The following SLC1A2 variants were observed in gnomAD, a reference collection of about 807,000 sequenced individuals.
SLC1A2 encodes the protein excitatory amino acid transporter 2.
SLC1A2 carries 15 observed loss-of-function variants against 48.8 expected under a neutral mutation model. The ratio of observed to expected loss-of-function variants is 0.31; its 90% CI spans 0.21 to 0.47. The LOEUF is 0.47. Ranked by LOEUF, SLC1A2 falls within the 20% of genes least tolerant of loss-of-function variation. The pLI is 0.99. For missense variants in SLC1A2, 502 were observed against 730.5 expected (o/e 0.69, Z 3.61); for synonymous variants, 279 against 272.6 (o/e 1.02, Z -0.23).
At chr11:35,332,938 C>T (rs902310666) in intron 1 of SLC1A2, among the ~76,000 whole-genome samples, 1 of 152,216 alleles carries the variant, frequency 6.6e-6, no homozygotes, top group Admixed American at 6.5e-5. Flanking sequence ...TCTTTTACTT[C>T]AGTTCTCGCT....
intron 9 of SLC1A2, among the ~76,000 whole-genome samples, chr11:35,272,423 G>A (rs543036252): frequency 2.0e-5 from 3 of 152,342 alleles, no homozygotes; most frequent in South Asian, 4.1e-4. Context: ...GGCATTCTGG[G>A]AAGATTCCCA....
chr11:35,276,042 T>A (rs1045278755), intron 9 of SLC1A2, among the ~76,000 whole-genome samples: 1 of 152,110 alleles, frequency 6.6e-6, no homozygotes, highest in Non-Finnish European at 1.5e-5. Flanking sequence ...CTACCCTTCC[T>A]TTTTCTTTTC....
chr11:35,301,459 C>T (rs1851353011), intron 6 of SLC1A2, 60 bp downstream of exon 6: 1 of 1,572,806 alleles, frequency 6.4e-7, no homozygotes, highest in Non-Finnish European at 8.7e-7. Context: ...CTCCAGTATC[C>T]TCTGGGGACC....
chr11:35,295,013 CTT>C (rs1382958905), intron 6 of SLC1A2, among the ~76,000 whole-genome samples: 2 of 152,046 alleles, frequency 1.3e-5, no homozygotes, highest in African/African-American at 4.8e-5. Context: ...AGGGCCATTA[CTT>C]TCTTGTGCCT....
chr11:35,309,020 A>G (rs929019158), intron 4 of SLC1A2, among the ~76,000 whole-genome samples: 2 of 152,110 alleles, frequency 1.3e-5, no homozygotes, highest in Non-Finnish European at 2.9e-5. Context: ...TTTTCTGAAC[A>G]TTATAAGTAC....
intron 1 of SLC1A2, among the ~76,000 whole-genome samples, chr11:35,370,064 C>A (rs1348700122): frequency 6.6e-6 from 1 of 152,126 alleles, no homozygotes; most frequent in Non-Finnish European, 1.5e-5. Context: ...CGTGACCCTC[C>A]AATAGGCTGT....
At chr11:35,306,693 C>G (rs971472580) in intron 4 of SLC1A2, among the ~76,000 whole-genome samples, 5 of 152,128 alleles carry the variant, frequency 3.3e-5, no homozygotes, top group African/African-American at 7.2e-5. Context: ...CCTTTCCCCC[C>G]ACTCACCCTT....
At chr11:35,277,506 C>G (rs1850480227) in intron 9 of SLC1A2, among the ~76,000 whole-genome samples, 1 of 152,178 alleles carries the variant, frequency 6.6e-6, no homozygotes. Context: ...CATATTAGTG[C>G]ATTTTTTTCC....
chr11:35,360,141 TC>T lies in SLC1A2; in HGVS notation c.18-42626del, dbSNP rs980592633. ...CTGCTATACTATAGAGGAAAAGCTGTCGGGGGCTTTAAAGTTTACCTACCCA... is the reference window on the plus strand; with the variant it reads ...CTGCTATACTATAGAGGAAAAGCTGTGGGGGCTTTAAAGTTTACCTACCCA... On this transcript the variant is annotated intron_variant, in intron 1 of 10. Transcript: ENST00000278379. 4.1e-6 allele frequency: 4 copies of T among 969,192 alleles called. No homozygotes were observed. In the African/African-American group the frequency reaches 7.0e-5, roughly 17 times the overall value. The allele number at this position is 969,192 out of a possible 1,614,324, so 60.0% of individuals were successfully genotyped here.
chr11:35,359,441 C>T (rs912712230), intron 1 of SLC1A2, among the ~76,000 whole-genome samples: 1 of 152,212 alleles, frequency 6.6e-6, no homozygotes, highest in Non-Finnish European at 1.5e-5. Flanking sequence ...TTAAAGTTTT[C>T]CTAGCCAGTG....
At chr11:35,330,612 A>C (rs1017357073) in intron 1 of SLC1A2, among the ~76,000 whole-genome samples, 2 of 152,204 alleles carry the variant, frequency 1.3e-5, no homozygotes, top group African/African-American at 4.8e-5. Flanking sequence ...AGATAGGGAG[A>C]TGCGCCTGAA....
chr11:35,290,289 A>G (rs1358325438), intron 7 of SLC1A2, among the ~76,000 whole-genome samples: 1 of 152,162 alleles, frequency 6.6e-6, no homozygotes, highest in Non-Finnish European at 1.5e-5. Flanking sequence ...TGTTTAATAG[A>G]CATGCCTTAA....
rs1012430649 is a variant in SLC1A2, at chr11:35,268,869, A to G, written c.1422-3111T>C. Among the ~76,000 whole-genome samples, 2 of 152,314 alleles carry G rather than the reference A, an allele frequency of 1.3e-5. 1 individual carries two copies. The highest frequency in any genetic ancestry group is 4.1e-4 in the South Asian group (2 of 4,828). On this transcript the variant is annotated intron_variant, in intron 9 of 10. Transcript: ENST00000278379. ...ATGTGAACACAGGCGGTACCATTCC[A>G]GAATCCACCATCTGCCACATGTTGA...
At chr11:35,372,043 T>C (rs903402137) in intron 1 of SLC1A2, among the ~76,000 whole-genome samples, 23 of 152,212 alleles carry the variant, frequency 1.5e-4, no homozygotes, top group Non-Finnish European at 3.4e-4. Flanking sequence ...CCATCAGTCA[T>C]GGTGCCTTCA....
chr11:35,360,720 A>G (rs189306369), intron 1 of SLC1A2, among the ~76,000 whole-genome samples: 159 of 152,330 alleles, frequency 1.0e-3, no homozygotes, highest in African/African-American at 3.7e-3. Context: ...AATTAAATGT[A>G]AAATGAAAGG....
Position 35,419,183 on chromosome 11 carries a change from G to A in SLC1A2, c.-217C>T. On this transcript the variant is annotated 5_prime_UTR_variant, in exon 1 of 11. Transcript: ENST00000278379. This position sits in a 1 kb window ranked among gnomAD's most constrained non-coding sequence, Gnocchi z 5.4. ...TCCGCGTCCCGGCTCTCCACGGCGC[G>A]CGACCCGCGCTCCCCTCCGCCCGCG... 2.2e-6 allele frequency: 1 copy of A among 457,546 alleles called. No individual in the cohort carries two copies. Among genetic ancestry groups the A allele is most frequent in the Non-Finnish European group, 3.8e-6 (1 of 260,002 alleles). 28.3% of individuals were successfully genotyped at this position (457,546 alleles called of 1,614,324 possible).
At chr11:35,383,949 A>G (rs1158068073) in intron 1 of SLC1A2, among the ~76,000 whole-genome samples, 1 of 152,192 alleles carries the variant, frequency 6.6e-6, no homozygotes, top group Non-Finnish European at 1.5e-5. Context: ...AACGGATGGC[A>G]ATTGTTCTAC....
intron 1 of SLC1A2, among the ~76,000 whole-genome samples, chr11:35,404,693 T>C (rs746162789): frequency 6.6e-6 from 1 of 152,208 alleles, no homozygotes; most frequent in Non-Finnish European, 1.5e-5. Context: ...GGGCAAATTG[T>C]TCCCGGTCTG....
At chr11:35,376,335 G>A (rs1454369081) in intron 1 of SLC1A2, among the ~76,000 whole-genome samples, 2 of 152,172 alleles carry the variant, frequency 1.3e-5, no homozygotes, top group Non-Finnish European at 2.9e-5. Flanking sequence ...AGAACAGAGA[G>A]AGAACATTAC....
Sources: allele counts gnomAD v4.1 joint callset (sites outside exome capture counted in the v4.1 genomes callset), GRCh38; gene constraint gnomAD v4.1.1; non-coding constraint Gnocchi (gnomAD v3.1); transcripts MANE v1.5; gene names NCBI Gene and HGNC (gene_info 2026-07-23, HGNC 2026-07-21).